Variants in AKT3 observed in about 807,000 individuals in gnomAD.
The protein encoded by AKT3 is AKT serine/threonine kinase 3, also known as RAC-gamma serine/threonine-protein kinase.
A neutral mutation model predicts 65.3 loss-of-function variants in AKT3; 15 were observed. That is an observed-to-expected ratio of 0.23 (90% CI 0.15 to 0.35). The LOEUF (loss-of-function observed/expected upper bound fraction) is 0.35, where lower values mean the gene tolerates loss of function less well. Among genes scored for constraint, AKT3 ranks in the 10% least tolerant of loss-of-function variants. The pLI, the probability that AKT3 is intolerant of heterozygous loss-of-function variation, is 1.00. For synonymous variants in AKT3, 206 were observed against 183.8 expected, an observed-to-expected ratio of 1.12 and a Z score of -0.98; for missense variants, 243 against 576.5, an observed-to-expected ratio of 0.42 and a Z score of 5.92.
At position 243,502,885 on chromosome 1, in the gene AKT3, G is replaced by A. The variant is rs1327320540; in HGVS notation, c.*2364C>T. On this transcript the variant is annotated 3_prime_UTR_variant, in exon 14 of 14. Coordinates refer to ENST00000673466, the MANE Select transcript of AKT3 (RefSeq NM_005465.7). ...TCATGGGAATCACTTTAAGATTTGC[G>A]GGAGAAAAAACCAAAACAACAAAAA... is the stretch of plus-strand genomic sequence containing the variant. The A allele has an allele frequency of 6.9e-5, 16 of 233,094 alleles. No individual in the cohort carries two copies. Among genetic ancestry groups the A allele is most frequent in the Admixed American group, 2.3e-4 (4 of 17,776 alleles). 14.4% of individuals were successfully genotyped at this position (233,094 alleles called of 1,614,324 possible). A position where few individuals can be genotyped will look rare whatever the true frequency, so the allele number is the denominator to read the frequency against.
chr1:243,621,443 T>G (rs1678746200), intron 6 of AKT3, among the ~76,000 whole-genome samples: 1 of 152,166 alleles, frequency 6.6e-6, no homozygotes, highest in Non-Finnish European at 1.5e-5. Flanking sequence ...TCCTTTGCTC[T>G]GAAACCCTTA....
chr1:243,636,318 A>G (rs894256495), intron 6 of AKT3, among the ~76,000 whole-genome samples: 6 of 152,024 alleles, frequency 3.9e-5, no homozygotes, highest in Non-Finnish European at 8.8e-5. Flanking sequence ...TTATCTATTC[A>G]TTTAACCCTG....
chr1:243,643,550 TCAAA>T (rs933712782), intron 5 of AKT3, among the ~76,000 whole-genome samples: 18 of 152,230 alleles, frequency 1.2e-4, no homozygotes, highest in African/African-American at 4.1e-4. Context: ...TTCTTTTAAT[TCAAA>T]CAAAGAAGAG....
At chr1:243,847,484 T>A (rs1695569582) in intron 1 of AKT3, among the ~76,000 whole-genome samples, 1 of 152,178 alleles carries the variant, frequency 6.6e-6, no homozygotes, top group Non-Finnish European at 1.5e-5. Flanking sequence ...AGGCTAAACT[T>A]CTACAAAATC....
intron 2 of AKT3, among the ~76,000 whole-genome samples, chr1:243,710,629 G>A (rs74403340): frequency 0.016 from 2,413 of 152,182 alleles, 34 homozygotes; most frequent in Middle Eastern, 0.034. Context: ...GTGGAATGCC[G>A]GATGAAAACA....
At chr1:243,642,015 C>T (rs188548342) in intron 5 of AKT3, among the ~76,000 whole-genome samples, 1 of 152,140 alleles carries the variant, frequency 6.6e-6, no homozygotes, top group Non-Finnish European at 1.5e-5. Context: ...GTATGACAGC[C>T]TTCACTGAAC....
At chr1:243,708,745 T>C (rs1418169974) in intron 2 of AKT3, among the ~76,000 whole-genome samples, 1 of 152,016 alleles carries the variant, frequency 6.6e-6, no homozygotes, top group Non-Finnish European at 1.5e-5. Flanking sequence ...GAATAATTTG[T>C]TTTTAAAAAC....
At chr1:243,574,787 G>A (rs944975663) in intron 8 of AKT3, among the ~76,000 whole-genome samples, 9 of 152,076 alleles carry the variant, frequency 5.9e-5, no homozygotes, top group African/African-American at 1.4e-4. Flanking sequence ...TGAAAAGATC[G>A]TGTGATCTCT....
chr1:243,536,109 A>T (rs952764393), intron 12 of AKT3, among the ~76,000 whole-genome samples: 1 of 109,582 alleles, frequency 9.1e-6, no homozygotes, highest in Non-Finnish European at 1.6e-5. Flanking sequence ...GTTCTTTATA[A>T]GATTCTGGGT....
intron 13 of AKT3, among the ~76,000 whole-genome samples, chr1:243,492,295 CTTTTTTTTTTTT>C (rs33950392): frequency 3.6e-4 from 23 of 63,130 alleles, no homozygotes; most frequent in East Asian, 5.7e-4. Context: ...CGTTTCTTGG[CTTTTTTTTTTTT>C]TTTTTTTTTT....
At chr1:243,513,970 G>A (rs150356690) in intron 12 of AKT3, among the ~76,000 whole-genome samples, 1 of 152,054 alleles carries the variant, frequency 6.6e-6, no homozygotes, top group African/African-American at 2.4e-5. Flanking sequence ...ACATGCACAC[G>A]CACAGGGAAC....
intron 2 of AKT3, among the ~76,000 whole-genome samples, chr1:243,758,329 G>T (rs751258663): frequency 6.6e-5 from 10 of 152,164 alleles, no homozygotes; most frequent in Non-Finnish European, 1.3e-4. Context: ...TCATTGAGAC[G>T]GCAACTTTTA....
rs570802263 is a variant in AKT3 at position 243,701,900 on chromosome 1, C to T, written c.47-6184G>A. On this transcript the variant is annotated intron_variant, in intron 2 of 13. Coordinates refer to ENST00000673466, the MANE Select transcript of AKT3 (RefSeq NM_005465.7). ...TAAAACAAGTATAAGCTCAGCTTTC[C>T]TCAGAATGCTGTATTTTAAATATTT... Among the ~76,000 whole-genome samples the T allele has an allele frequency of 8.5e-5, 13 of 152,118 alleles. No individual in the cohort carries two copies. The East Asian group carries it at 2.5e-3, about 29-fold the overall frequency.
intron 3 of AKT3, among the ~76,000 whole-genome samples, chr1:243,673,567 C>T (rs1437856365): frequency 6.6e-6 from 1 of 150,534 alleles, no homozygotes; most frequent in Non-Finnish European, 1.5e-5. Flanking sequence ...GGATATTTAA[C>T]CATTCATTAC....
intron 2 of AKT3, among the ~76,000 whole-genome samples, chr1:243,783,690 C>T (rs1691057955): frequency 6.6e-6 from 1 of 152,126 alleles, no homozygotes; most frequent in South Asian, 2.1e-4. Context: ...CTTTATTCTT[C>T]TCTATAGTCT....
intron 3 of AKT3, among the ~76,000 whole-genome samples, chr1:243,691,794 G>A (rs1412212359): frequency 6.6e-6 from 1 of 152,178 alleles, no homozygotes; most frequent in African/African-American, 2.4e-5. Context: ...CTAATGCTCA[G>A]GAGAGAGGCC....
chr1:243,506,748 CTCT>C lies in AKT3; in HGVS notation c.1355-1417_1355-1415del, dbSNP rs1382524707. Among the ~76,000 whole-genome samples the C allele has an allele frequency of 1.4e-3, 209 of 152,202 alleles. 3 individuals are homozygous for C. The highest frequency in any genetic ancestry group is 4.7e-4 in the Non-Finnish European group (32 of 68,046). ...GTAAGACACTGAACTCGGAGGCCCTCTCTTCTTCTGCAAATAGACCACTGTAAC... is the reference window on the plus strand; with the variant it reads ...GTAAGACACTGAACTCGGAGGCCCTCTCTTCTGCAAATAGACCACTGTAAC... On this transcript the variant is annotated intron_variant, in intron 13 of 13. Transcript: ENST00000673466.
chr1:243,730,838 C>T (rs1187700390), intron 2 of AKT3, among the ~76,000 whole-genome samples: 1 of 152,334 alleles, frequency 6.6e-6, no homozygotes, highest in East Asian at 1.9e-4. Flanking sequence ...CCAGAAACTA[C>T]GTGTGGTACG....
At chr1:243,593,718 A>G (rs1676399113) in intron 8 of AKT3, among the ~76,000 whole-genome samples, 1 of 152,182 alleles carries the variant, frequency 6.6e-6, no homozygotes, top group Non-Finnish European at 1.5e-5. Context: ...TGATCACCTC[A>G]ATGGAGGCAC....
Sources: allele counts gnomAD v4.1 joint callset (sites outside exome capture counted in the v4.1 genomes callset), GRCh38; gene constraint gnomAD v4.1.1; transcripts MANE v1.5; gene names NCBI Gene and HGNC (gene_info 2026-07-23, HGNC 2026-07-21).